TBC1D14: variants seen among roughly 807,000 people sequenced by gnomAD.
The protein encoded by TBC1D14 is TBC1 domain family, member 14.
Under a neutral mutation model 79.0 loss-of-function variants are expected in TBC1D14, and 26 were observed. The observed-to-expected ratio is 0.33, with a 90% CI of 0.24 to 0.46. The LOEUF (loss-of-function observed/expected upper bound fraction) is 0.46. Among genes scored for constraint, TBC1D14 ranks in the 20% least tolerant of loss-of-function variants. The probability of loss-of-function intolerance (pLI) is 1.00; values close to 1 mark genes in which losing one functional copy is unlikely to be tolerated. For missense variants in TBC1D14, 769 were observed against 887.6 expected (o/e 0.87, Z 1.70); for synonymous variants, 394 against 349.9 (o/e 1.13, Z -1.40).
intron 3 of TBC1D14, among the ~76,000 whole-genome samples, chr4:6,989,456 C>T (rs542852205): frequency 2.2e-4 from 34 of 152,168 alleles, no homozygotes; most frequent in Non-Finnish European, 1.5e-4. Context: ...GCCTCTAGCC[C>T]ACGTCTTACC....
chr4:7,013,808 A>G (rs1026099607), intron 11 of TBC1D14, among the ~76,000 whole-genome samples: 4 of 151,214 alleles, frequency 2.6e-5, no homozygotes, highest in African/African-American at 7.3e-5. Context: ...CAGTGGCGCA[A>G]TCTCGGCTCA....
chr4:6,969,919 G>A (rs761283276), intron 3 of TBC1D14, among the ~76,000 whole-genome samples: 1 of 152,154 alleles, frequency 6.6e-6, no homozygotes, highest in East Asian at 1.9e-4. Flanking sequence ...CTTGTCTCTG[G>A]CCCTCTCATC....
At chr4:7,000,076 A>G (rs1198239263) in intron 6 of TBC1D14, among the ~76,000 whole-genome samples, 1 of 152,114 alleles carries the variant, frequency 6.6e-6, no homozygotes, top group Non-Finnish European at 1.5e-5. Flanking sequence ...GGTCTCCACT[A>G]GGAAAATATG....
chr4:7,013,771 T>C (rs1721010504), intron 11 of TBC1D14, among the ~76,000 whole-genome samples: 1 of 148,650 alleles, frequency 6.7e-6, no homozygotes, highest in South Asian at 2.1e-4. Flanking sequence ...TGAGATGGAG[T>C]CTCGCTGTGT....
intron 2 of TBC1D14, among the ~76,000 whole-genome samples, chr4:6,949,299 G>T (rs1226573281): frequency 1.3e-5 from 2 of 152,086 alleles, no homozygotes; most frequent in African/African-American, 4.8e-5. Context: ...ATAGATTTTA[G>T]AATCAGTTTG....
intron 12 of TBC1D14, among the ~76,000 whole-genome samples, chr4:7,022,284 AG>A (rs962549582): frequency 6.6e-6 from 1 of 152,182 alleles, no homozygotes; most frequent in Non-Finnish European, 1.5e-5. Context: ...ACTGGGGCAG[AG>A]GGCCTGGGAG....
chr4:7,027,378 AC>A (rs374620904), intron 13 of TBC1D14, among the ~76,000 whole-genome samples: 42 of 113,838 alleles, frequency 3.7e-4, no homozygotes, highest in African/African-American at 7.5e-4. Context: ...ACATCCATTC[AC>A]CCCCCATCTC....
intron 2 of TBC1D14, among the ~76,000 whole-genome samples, chr4:6,930,917 T>C (rs1441738007): frequency 2.6e-5 from 4 of 152,108 alleles, no homozygotes; most frequent in Admixed American, 1.3e-4. Context: ...TAAAATGTTT[T>C]TGAGATGAAA....
intron 2 of TBC1D14, among the ~76,000 whole-genome samples, chr4:6,961,983 C>T (rs1453059927): frequency 3.9e-5 from 6 of 152,216 alleles, no homozygotes. Context: ...GCGTCTCGCT[C>T]TGGCCTCCTG....
intron 3 of TBC1D14, among the ~76,000 whole-genome samples, chr4:6,969,560 C>A (rs996075209): frequency 2.0e-5 from 3 of 152,148 alleles, no homozygotes; most frequent in African/African-American, 7.2e-5. Flanking sequence ...TGCCCACCAC[C>A]GCGCCTGGCT....
intron 2 of TBC1D14, among the ~76,000 whole-genome samples, chr4:6,965,419 A>G (rs1253255727): frequency 4.6e-5 from 7 of 152,062 alleles, no homozygotes; most frequent in Non-Finnish European, 5.9e-5. Flanking sequence ...TATTGTATAA[A>G]TTGTCTCAGT....
At chr4:6,965,945 AT>A (rs1357278226) in intron 2 of TBC1D14, among the ~76,000 whole-genome samples, 2 of 152,222 alleles carry the variant, frequency 1.3e-5, no homozygotes, top group Admixed American at 6.5e-5. Context: ...GTAAAAATCC[AT>A]TCCTCATTGA....
intron 12 of TBC1D14, among the ~76,000 whole-genome samples, chr4:7,018,457 G>A (rs1305298002): frequency 6.6e-6 from 1 of 152,178 alleles, no homozygotes; most frequent in Non-Finnish European, 1.5e-5. Flanking sequence ...CCCACTCTCT[G>A]AGGGTCCCCT....
Position 7,012,135 on chromosome 4 carries a change from A to T in TBC1D14, c.1647+1354A>T, listed in dbSNP as rs541022985. Among the ~76,000 whole-genome samples the T allele has an allele frequency of 2.0e-5, 3 of 152,054 alleles. No individual in the cohort carries two copies. In the South Asian group the frequency reaches 6.2e-4, roughly 32 times the overall value. On this transcript the variant is annotated intron_variant, in intron 11 of 13. Coordinates refer to ENST00000409757, the MANE Select transcript of TBC1D14 (RefSeq NM_020773.3). ...GCTAACACAGTGAAACCCCGTCTCT[A>T]CTAAAAATACAAAATAATTAGCTGG...
chr4:7,016,102 G>A (rs1721256342), intron 12 of TBC1D14, among the ~76,000 whole-genome samples: 7 of 152,194 alleles, frequency 4.6e-5, no homozygotes, highest in Admixed American at 4.6e-4. Context: ...CCTTAAGAGT[G>A]TGCCTTTGGG....
intron 2 of TBC1D14, among the ~76,000 whole-genome samples, chr4:6,940,889 C>T (rs551095795): frequency 1.4e-4 from 22 of 152,248 alleles, no homozygotes; most frequent in African/African-American, 3.1e-4. Context: ...TAGGGATCAC[C>T]GCGTCCCGGC....
intron 1 of TBC1D14, among the ~76,000 whole-genome samples, chr4:6,921,991 G>C (rs1452443452): frequency 6.6e-6 from 1 of 152,256 alleles, no homozygotes; most frequent in South Asian, 2.1e-4. Flanking sequence ...CACTGCGCCC[G>C]GCCATGCCAG....
intron 11 of TBC1D14, among the ~76,000 whole-genome samples, chr4:7,012,509 T>C (rs1488236629): frequency 3.9e-5 from 6 of 152,216 alleles, no homozygotes; most frequent in Non-Finnish European, 7.3e-5. Context: ...TACACACTTA[T>C]TTACAATTGT....
intron 2 of TBC1D14, among the ~76,000 whole-genome samples, chr4:6,943,545 T>G (rs780784161): frequency 9.2e-5 from 14 of 152,198 alleles, no homozygotes; most frequent in Non-Finnish European, 1.8e-4. Context: ...ACGCCCTGCC[T>G]CTGCACCTTG....
Sources: gnomAD v4.1 joint callset for allele counts (sites outside exome capture counted in the v4.1 genomes callset) on GRCh38, gnomAD v4.1.1 for gene constraint, MANE v1.5 for transcripts, NCBI Gene and HGNC (gene_info 2026-07-23, HGNC 2026-07-21) for gene names.